CLIP1: variants seen among roughly 807,000 people sequenced by gnomAD.
The protein encoded by CLIP1 is CAP-Gly domain containing linker protein 1.
CLIP1 carries 66 observed loss-of-function variants against 161.6 expected under a neutral mutation model. That is an observed-to-expected ratio of 0.41 (90% CI 0.33 to 0.50). The LOEUF (loss-of-function observed/expected upper bound fraction) is 0.50. Ranked by LOEUF, CLIP1 falls within the 20% of genes least tolerant of loss-of-function variation. CLIP1 has a pLI of 0.27. For synonymous variants in CLIP1, 598 were observed against 626.2 expected (o/e 0.96, Z 0.67); for missense variants, 1,376 against 1,702.0 (o/e 0.81, Z 3.37).
intron 20 of CLIP1, among the ~76,000 whole-genome samples, chr12:122,299,132 T>A (rs578064770): frequency 6.6e-6 from 1 of 152,260 alleles, no homozygotes; most frequent in East Asian, 1.9e-4. Flanking sequence ...ACTGCTTGTA[T>A]CTTTAGTGCA....
At chr12:122,422,788 G>A (rs1957005785), upstream of CLIP1, among the ~76,000 whole-genome samples, 1 of 42,156 alleles carries the variant, frequency 2.4e-5, no homozygotes, top group South Asian at 1.2e-3. Context: ...CCGGCCCCGC[G>A]CCGCCCCGCC....
chr12:122,296,591 T>A (rs533927600), intron 20 of CLIP1, among the ~76,000 whole-genome samples: 2 of 152,260 alleles, frequency 1.3e-5, no homozygotes, highest in South Asian at 2.1e-4. Context: ...ATGTATTATA[T>A]TTCTAATTTA....
At chr12:122,359,292 T>G (rs550091832) in intron 5 of CLIP1, among the ~76,000 whole-genome samples, 1 of 152,286 alleles carries the variant, frequency 6.6e-6, no homozygotes, top group Admixed American at 6.5e-5. Context: ...CAATTTTCAC[T>G]GAATGAGGTG....
intron 17 of CLIP1, 57 bp from the exon 18 acceptor site, chr12:122,319,405 T>G (rs1362640867): frequency 1.5e-6 from 2 of 1,324,448 alleles, no homozygotes; most frequent in African/African-American, 1.4e-5. Flanking sequence ...CACCGTTAGG[T>G]GAGGATCGGG....
rs888114563 is a variant in CLIP1, at chr12:122,363,902, T to C, written c.782+81A>G. On this transcript the variant is annotated intron_variant, in intron 4 of 25. Transcript: ENST00000620786. ...CTCTTCCAAACACAACTTTCCATGT[T>C]ATGATACACGCTTGGTGAGACTGGC... The C allele has an allele frequency of 1.9e-4, 302 of 1,583,690 alleles. 1 individual carries two copies. Among genetic ancestry groups the C allele is most frequent in the Non-Finnish European group, 2.5e-4 (284 of 1,156,426 alleles).
chr12:122,368,804 A>G (rs1954288460), intron 3 of CLIP1, among the ~76,000 whole-genome samples: 1 of 151,786 alleles, frequency 6.6e-6, no homozygotes, highest in African/African-American at 2.4e-5. Flanking sequence ...GGTGGCAAGC[A>G]CCTGTAATCC....
intron 5 of CLIP1, 188 bp downstream of exon 5, chr12:122,360,771 T>G (rs1953740110): frequency 1.8e-6 from 1 of 551,210 alleles, no homozygotes; most frequent in African/African-American, 1.9e-5. Flanking sequence ...ACTTTCTGAT[T>G]TCAAAAAACG....
At chr12:122,306,041 G>A (rs1287458612) in intron 20 of CLIP1, among the ~76,000 whole-genome samples, 1 of 150,008 alleles carries the variant, frequency 6.7e-6, no homozygotes, top group African/African-American at 2.5e-5. Flanking sequence ...ACTACAGAGT[G>A]AGACTCCATC....
chr12:122,402,036 C>G (rs1956161069), intron 1 of CLIP1, among the ~76,000 whole-genome samples: 1 of 151,638 alleles, frequency 6.6e-6, no homozygotes, highest in Non-Finnish European at 1.5e-5. Context: ...TAGATAATTA[C>G]ATTTGTTGAC....
At chr12:122,337,689 A>G (rs1952296457) in intron 11 of CLIP1, among the ~76,000 whole-genome samples, 1 of 152,034 alleles carries the variant, frequency 6.6e-6, no homozygotes, top group Non-Finnish European at 1.5e-5. Flanking sequence ...TTACTTTCTA[A>G]ATGAGCTACT....
rs1952062244 is a variant in CLIP1, at chr12:122,333,126, TA to T, written c.2727del (p.Phe909LeufsTer11). 6.2e-7 allele frequency: 1 copy of T among 1,612,596 alleles called. No homozygotes were observed. The highest frequency in any genetic ancestry group is 2.2e-5 in the East Asian group (1 of 44,874). On this transcript the variant is annotated frameshift_variant, in exon 15 of 26. Coordinates refer to ENST00000620786, the MANE Select transcript of CLIP1 (RefSeq NM_001247997.2). LOFTEE classifies it high-confidence loss of function. ...RENLADMEAK[F>X]REKDEREEQL... The stretch of plus-strand genomic sequence containing the variant: ...TGCTCTTCTCTCTCATCTTTCTCTC[TA>T]AATTTTGCCTCCATATCTAAATATA...
At chr12:122,343,881 A>C (rs1179424934) in intron 10 of CLIP1, 1 of 152,220 alleles carries the variant, frequency 6.6e-6, no homozygotes, top group African/African-American at 2.4e-5. Flanking sequence ...AGGGAACAAA[A>C]TAATTTTAAA....
intron 20 of CLIP1, among the ~76,000 whole-genome samples, chr12:122,298,930 G>A (rs1950571841): frequency 6.6e-6 from 1 of 152,208 alleles, no homozygotes; most frequent in South Asian, 2.1e-4. Flanking sequence ...ACTCCAGCCT[G>A]GCAACAGGGT....
intron 23 of CLIP1, 167 bp from the exon 24 acceptor site, chr12:122,278,370 C>T (rs902983374): frequency 6.0e-5 from 40 of 669,724 alleles, no homozygotes; most frequent in Middle Eastern, 4.0e-4. Flanking sequence ...TGTCCCCTTG[C>T]GGGACCCTAC....
At chr12:122,281,602 G>A (rs1270107272) in intron 21 of CLIP1, among the ~76,000 whole-genome samples, 2 of 151,802 alleles carry the variant, frequency 1.3e-5, no homozygotes, top group Non-Finnish European at 2.9e-5. Context: ...AAGCTGAGGC[G>A]GGAGGATGGC....
Position 122,315,860 on chromosome 12 carries a change from C to CTCAA in CLIP1, c.3473+885_3473+888dup, listed in dbSNP as rs1201142700. Among the ~76,000 whole-genome samples the CTCAA allele has an allele frequency of 5.3e-5, 8 of 152,016 alleles. No individual in the cohort carries two copies. The East Asian group carries it at 1.6e-3, about 30-fold the overall frequency. On this transcript the variant is annotated intron_variant, in intron 19 of 25. Coordinates refer to ENST00000620786, the MANE Select transcript of CLIP1 (RefSeq NM_001247997.2). ...GTTTCACCGTGTTAGCCAGGATGGT[C>CTCAA]TCAATCTCCTGACTTCGTGCTCCAC...
At chr12:122,419,385 A>G (rs1276755650) in intron 1 of CLIP1, among the ~76,000 whole-genome samples, 1 of 151,828 alleles carries the variant, frequency 6.6e-6, no homozygotes, top group Non-Finnish European at 1.5e-5. Flanking sequence ...AAAAAAATTA[A>G]TTAAAAAAAA....
intron 3 of CLIP1, among the ~76,000 whole-genome samples, chr12:122,374,523 G>A (rs1954622822): frequency 6.6e-6 from 1 of 152,006 alleles, no homozygotes; most frequent in African/African-American, 2.4e-5. Flanking sequence ...CAGCACTTTG[G>A]GAGGCCGAGT....
chr12:122,316,935 G>T, intron 18 of CLIP1, 80 bp from the exon 19 acceptor site: 1 of 867,154 alleles, frequency 1.2e-6, no homozygotes, highest in Non-Finnish European at 1.8e-6. Flanking sequence ...TCATGAAAAT[G>T]TGTACTGAAA....
Sources: allele counts gnomAD v4.1 joint callset (sites outside exome capture counted in the v4.1 genomes callset), GRCh38; gene constraint gnomAD v4.1.1; transcripts MANE v1.5; gene names NCBI Gene and HGNC (gene_info 2026-07-23, HGNC 2026-07-21).